Variants in STK17A observed in about 807,000 individuals in gnomAD.
STK17A encodes serine/threonine-protein kinase 17A.
STK17A carries 26 observed loss-of-function variants against 43.7 expected under a neutral mutation model. The ratio of observed to expected loss-of-function variants is 0.60; its 90% CI spans 0.44 to 0.83. The LOEUF is 0.83. Among genes scored for constraint, STK17A ranks in the 40% least tolerant of loss-of-function variants. The pLI is 0.00. For synonymous variants in STK17A, 191 were observed against 182.5 expected (o/e 1.05, Z -0.38); for missense variants, 476 against 511.6 (o/e 0.93, Z 0.67).
chr7:43,606,963 G>T (rs1583557433), intron 2 of STK17A, among the ~76,000 whole-genome samples: 1 of 69,200 alleles, frequency 1.4e-5, no homozygotes, highest in Non-Finnish European at 2.5e-5. Flanking sequence ...TGTTCTTGTT[G>T]CCCAGGCTGG....
At chr7:43,598,714 T>G (rs2082536746) in intron 2 of STK17A, among the ~76,000 whole-genome samples, 1 of 151,980 alleles carries the variant, frequency 6.6e-6, no homozygotes, top group Non-Finnish European at 1.5e-5. Context: ...AAAAAGGACA[T>G]CTCTTCATTT....
rs909666267 is a variant in STK17A at position 43,595,953 on chromosome 7, T to A, written c.259T>A (p.Phe87Ile). The stretch of plus-strand genomic sequence containing the variant: ...TATAAAGAAAGATTCTGGGAAAGAA[T>A]TTGCTGCAAAGTTCATGAGAAAAAG... ...KCIKKDSGKE[F>I]AAKFMRKRRK... The change falls in exon 2 of 7, where the codon TTT becomes ATT. Residue 87 changes from phenylalanine to isoleucine, a missense_variant. Around this residue, in one of 3 missense-constraint regions of STK17A, gnomAD observed 320 missense variants for 326.3 expected, o/e 0.98. Coordinates refer to ENST00000319357, the MANE Select transcript of STK17A (RefSeq NM_004760.3). 4 of 1,613,894 alleles carry A rather than the reference T, an allele frequency of 2.5e-6. No homozygotes were observed. Among genetic ancestry groups the A allele is most frequent in the Non-Finnish European group, 2.5e-6 (3 of 1,179,906 alleles).
At chr7:43,621,180 A>G (rs954344092) in intron 4 of STK17A, among the ~76,000 whole-genome samples, 1 of 152,230 alleles carries the variant, frequency 6.6e-6, no homozygotes, top group Non-Finnish European at 1.5e-5. Context: ...AGTTAATTAG[A>G]TAATAAAAGA....
chr7:43,588,674 C>G (rs2082459660), intron 1 of STK17A, among the ~76,000 whole-genome samples: 1 of 151,246 alleles, frequency 6.6e-6, no homozygotes, highest in Admixed American at 6.6e-5. Context: ...AACCTCATCT[C>G]TACTAAAATT....
chr7:43,606,911 A>ATTTT (rs2082597090), intron 2 of STK17A, among the ~76,000 whole-genome samples: 1 of 58,432 alleles, frequency 1.7e-5, no homozygotes, highest in Non-Finnish European at 3.5e-5. Context: ...TAGCTTTTCG[A>ATTTT]TTTTCTTTTT....
At chr7:43,593,078 C>A (rs1269323696) in intron 1 of STK17A, among the ~76,000 whole-genome samples, 2 of 152,156 alleles carry the variant, frequency 1.3e-5, no homozygotes, top group African/African-American at 4.8e-5. Context: ...CACCCCCTTC[C>A]CACTCTCTTA....
chr7:43,605,280 T>C (rs2082581127), intron 2 of STK17A, among the ~76,000 whole-genome samples: 1 of 152,180 alleles, frequency 6.6e-6, no homozygotes, highest in East Asian at 1.9e-4. Context: ...TTTTATCCCA[T>C]TAAAGAATGG....
intron 3 of STK17A, among the ~76,000 whole-genome samples, chr7:43,614,225 C>G (rs778994395): frequency 6.6e-6 from 1 of 152,064 alleles, no homozygotes; most frequent in Non-Finnish European, 1.5e-5. Flanking sequence ...ATGAAGATAC[C>G]GAGATAAATA....
chr7:43,588,479 G>T (rs746705003), intron 1 of STK17A, among the ~76,000 whole-genome samples: 3 of 151,344 alleles, frequency 2.0e-5, no homozygotes, highest in Non-Finnish European at 4.4e-5. Context: ...TGATTTTTAC[G>T]CCTAGGGTCT....
intron 1 of STK17A, among the ~76,000 whole-genome samples, chr7:43,587,419 C>G (rs1010943764): frequency 6.6e-6 from 1 of 151,176 alleles, no homozygotes. Context: ...AGTTAAGTTC[C>G]CACTGGGGCC....
chr7:43,603,938 A>G (rs1251342770), intron 2 of STK17A, among the ~76,000 whole-genome samples: 1 of 152,194 alleles, frequency 6.6e-6, no homozygotes, highest in Non-Finnish European at 1.5e-5. Flanking sequence ...CTCATTATGT[A>G]TATGCTAATA....
At chr7:43,591,297 G>C (rs944192975) in intron 1 of STK17A, among the ~76,000 whole-genome samples, 2 of 151,472 alleles carry the variant, frequency 1.3e-5, no homozygotes, top group Non-Finnish European at 3.0e-5. Flanking sequence ...ATTAGAATAA[G>C]AGTAATATTT....
At chr7:43,602,858 C>A (rs2082564999) in intron 2 of STK17A, among the ~76,000 whole-genome samples, 1 of 152,130 alleles carries the variant, frequency 6.6e-6, no homozygotes, top group Non-Finnish European at 1.5e-5. Context: ...CTGTGTCCAA[C>A]TGCAGATCAT....
rs183895436 is a variant in STK17A, at chr7:43,620,832, A to T, written c.691+1109A>T. On this transcript the variant is annotated intron_variant, in intron 4 of 6. Coordinates refer to ENST00000319357, the MANE Select transcript of STK17A (RefSeq NM_004760.3). ...GTCTGGGTCATGGACATCAGTGTGG[A>T]AGTCACCTAGGCTGCCAGCAGACCT... Among the ~76,000 whole-genome samples the T allele has an allele frequency of 5.9e-5, 9 of 152,304 alleles. No individual in the cohort carries two copies. The East Asian group carries it at 1.7e-3, about 29-fold the overall frequency.
intron 3 of STK17A, 77 bp from the exon 4 acceptor site, chr7:43,619,520 A>C (rs1375300744): frequency 1.3e-6 from 2 of 1,521,964 alleles, no homozygotes; most frequent in African/African-American, 2.8e-5. Flanking sequence ...CATAGGTGAA[A>C]TATGTTTTAT....
At position 43,587,146 on chromosome 7, in the gene STK17A, TG is replaced by T. The variant is rs1269053377; in HGVS notation, c.206+3698del. On this transcript the variant is annotated intron_variant, in intron 1 of 6. Coordinates refer to ENST00000319357, the MANE Select transcript of STK17A (RefSeq NM_004760.3). The stretch of plus-strand genomic sequence containing the variant: ...TTTTAATGAAATGATATGTTTTTAT[TG>T]TTTTTTGTTTTTTTTTTTTTTTTTT... Among the ~76,000 whole-genome samples the T allele has an allele frequency of 1.2e-3, 159 of 127,234 alleles. 6 individuals are homozygous for T. Among genetic ancestry groups the T allele is most frequent in the Admixed American group, 5.7e-3 (65 of 11,472 alleles). 83.5% of individuals were successfully genotyped at this position (127,234 alleles called of 152,430 possible).
intron 2 of STK17A, among the ~76,000 whole-genome samples, chr7:43,599,134 T>C (rs1257896335): frequency 1.3e-5 from 2 of 152,218 alleles, no homozygotes; most frequent in Non-Finnish European, 2.9e-5. Context: ...TTGCAAAATA[T>C]TCATAAAATG....
chr7:43,624,624 C>CTCCAAGAA lies in STK17A; in HGVS notation c.1028_1035dup (p.Gly346SerfsTer24). The CTCCAAGAA allele has an allele frequency of 6.2e-7, 1 of 1,614,086 alleles. No homozygotes were observed. Among genetic ancestry groups the CTCCAAGAA allele is most frequent in the Non-Finnish European group, 8.5e-7 (1 of 1,180,014 alleles). On this transcript the variant is annotated frameshift_variant, in exon 7 of 7. Transcript: ENST00000319357. LOFTEE classifies it high-confidence loss of function. ...AAAGGCACTAGAAGAAGCAAATGCC[C>CTCCAAGAA]TCCAAGAAGGTCATTCTGTGCCTGA... is the stretch of plus-strand genomic sequence containing the variant.
intron 1 of STK17A, among the ~76,000 whole-genome samples, chr7:43,586,557 A>G (rs2082440615): frequency 6.6e-6 from 1 of 151,482 alleles, no homozygotes; most frequent in Non-Finnish European, 1.5e-5. Flanking sequence ...TGATTTCGTT[A>G]CTGGGGCACA....
Sources: allele counts gnomAD v4.1 joint callset (sites outside exome capture counted in the v4.1 genomes callset), GRCh38; gene constraint gnomAD v4.1.1; regional missense constraint gnomAD v4.1.1; transcripts MANE v1.5; gene names NCBI Gene and HGNC (gene_info 2026-07-23, HGNC 2026-07-21).